Variants in CACNA2D3 observed in about 807,000 individuals in gnomAD.
The protein encoded by CACNA2D3 is voltage-dependent calcium channel subunit alpha-2/delta-3.
Under a neutral mutation model 160.6 loss-of-function variants are expected in CACNA2D3, and 60 were observed. That is an observed-to-expected ratio of 0.37 (90% confidence interval 0.30 to 0.46). CACNA2D3 has a LOEUF of 0.46. CACNA2D3 is among the 20% of genes least tolerant of loss of function. CACNA2D3 has a pLI of 1.00. For missense variants in CACNA2D3, 1,205 were observed against 1,365.0 expected (o/e 0.88, Z 1.85); for synonymous variants, 558 against 492.9 (o/e 1.13, Z -1.75).
At chr3:54,676,210 T>G (rs1376519079) in intron 11 of CACNA2D3, among the ~76,000 whole-genome samples, 1 of 152,164 alleles carries the variant, frequency 6.6e-6, no homozygotes, top group Non-Finnish European at 1.5e-5. Flanking sequence ...CTTAGCCCCT[T>G]TCCTCCCCTT....
chr3:54,629,595 T>C lies in CACNA2D3; in HGVS notation c.1053+1719T>C, dbSNP rs147173759. 2.6e-5 allele frequency among the ~76,000 whole-genome samples: 4 copies of C among 152,300 alleles called. No individual in the cohort carries two copies. In the East Asian group the frequency reaches 7.7e-4, roughly 29 times the overall value. ...GTTGGCTACAGGATGTAAACATTTA[T>C]GTAAGAGTCCGTGTTTTGGACAGTA... On this transcript the variant is annotated intron_variant, in intron 10 of 37. Coordinates refer to ENST00000474759, the MANE Select transcript of CACNA2D3 (RefSeq NM_018398.3).
chr3:54,757,374 C>T (rs1026941699), intron 12 of CACNA2D3, among the ~76,000 whole-genome samples: 8 of 152,146 alleles, frequency 5.3e-5, no homozygotes, highest in African/African-American at 1.9e-4. Flanking sequence ...CCTGAGACTT[C>T]CTGGAAGGTC....
At chr3:54,866,254 A>G (rs1699398810) in intron 17 of CACNA2D3, among the ~76,000 whole-genome samples, 1 of 152,300 alleles carries the variant, frequency 6.6e-6, no homozygotes, top group Non-Finnish European at 1.5e-5. Context: ...GAAGGAATGA[A>G]GTGCCCTGTG....
intron 10 of CACNA2D3, among the ~76,000 whole-genome samples, chr3:54,636,250 G>T (rs1383618460): frequency 6.6e-6 from 1 of 151,954 alleles, no homozygotes; most frequent in Non-Finnish European, 1.5e-5. Flanking sequence ...TAAATCAAGC[G>T]TGATCAGGGT....
chr3:54,487,843 C>T (rs1222646868), intron 4 of CACNA2D3, among the ~76,000 whole-genome samples: 1 of 152,224 alleles, frequency 6.6e-6, no homozygotes, highest in Non-Finnish European at 1.5e-5. Flanking sequence ...TGGTGACCTT[C>T]ACATGCTCAA....
chr3:54,211,829 T>A (rs186805218), intron 2 of CACNA2D3, among the ~76,000 whole-genome samples: 3 of 152,208 alleles, frequency 2.0e-5, no homozygotes, highest in South Asian at 4.1e-4. Flanking sequence ...AAATATATTA[T>A]AAAATGTAAC....
rs370683934 is a variant in CACNA2D3, at chr3:54,513,109, TG to T, written c.544+9458del. Among the ~76,000 whole-genome samples the T allele has an allele frequency of 2.8e-3, 427 of 152,282 alleles. 3 individuals are homozygous for T. Among genetic ancestry groups the T allele is most frequent in the African/African-American group, 9.8e-3 (408 of 41,552 alleles). On this transcript the variant is annotated intron_variant, in intron 5 of 37. Coordinates refer to ENST00000474759, the MANE Select transcript of CACNA2D3 (RefSeq NM_018398.3). The stretch of plus-strand genomic sequence containing the variant: ...ACACATGGGAATTCAAGATGAGATT[TG>T]GGCGGGGACACAGCCAAACCATATC...
chr3:54,349,859 CATT>C (rs1411241835), intron 3 of CACNA2D3, among the ~76,000 whole-genome samples: 1 of 152,222 alleles, frequency 6.6e-6, no homozygotes, highest in East Asian at 1.9e-4. Context: ...TTCTTGTTCT[CATT>C]GTTCAGAGCA....
At chr3:54,418,905 C>A (rs1235174107) in intron 4 of CACNA2D3, among the ~76,000 whole-genome samples, 2 of 152,146 alleles carry the variant, frequency 1.3e-5, no homozygotes, top group African/African-American at 4.8e-5. Context: ...TTTATAATTG[C>A]ATATTTAACC....
In CACNA2D3 at chr3:54,846,096, T is replaced by TA. The variant is rs369990061; in HGVS notation, c.1552-287dup. 7.5e-3 allele frequency among the ~76,000 whole-genome samples: 1,122 copies of TA among 148,810 alleles called. 10 individuals are homozygous for TA. Among genetic ancestry groups the TA allele is most frequent in the Middle Eastern group, 0.024 (7 of 292 alleles). ...ACAGAAACATTAGCCACTTTCTTGTTAAAAAAAAAAGGTAATTGTTTTGTT... is the reference window on the plus strand; with the variant it reads ...ACAGAAACATTAGCCACTTTCTTGTTAAAAAAAAAAAGGTAATTGTTTTGTT... On this transcript the variant is annotated intron_variant, in intron 16 of 37. Transcript: ENST00000474759.
chr3:54,384,512 C>T (rs1031467791), intron 3 of CACNA2D3, among the ~76,000 whole-genome samples: 4 of 152,186 alleles, frequency 2.6e-5, no homozygotes, highest in Non-Finnish European at 5.9e-5. Context: ...GATTGTACCA[C>T]ATGATCCCAG....
At chr3:54,269,862 G>T (rs6773234) in intron 2 of CACNA2D3, among the ~76,000 whole-genome samples, 42,205 of 152,158 alleles carry the variant, frequency 0.28, 6,373 homozygotes, top group East Asian at 0.43. Context: ...TAAAAATACA[G>T]AAAATACTTA....
chr3:55,028,208 A>G (rs1452614084), intron 35 of CACNA2D3, among the ~76,000 whole-genome samples: 3 of 152,222 alleles, frequency 2.0e-5, no homozygotes, highest in Admixed American at 6.5e-5. Flanking sequence ...GGCAACTCCA[A>G]AAGTGGACAT....
At chr3:54,608,699 A>G (rs914813594) in intron 9 of CACNA2D3, among the ~76,000 whole-genome samples, 6 of 152,252 alleles carry the variant, frequency 3.9e-5, no homozygotes, top group Non-Finnish European at 8.8e-5. Flanking sequence ...GCTGCTTGCT[A>G]TGATGAACAT....
chr3:54,896,644 TA>T, intron 25 of CACNA2D3, 104 bp from the exon 26 acceptor site: 2 of 1,422,476 alleles, frequency 1.4e-6, no homozygotes, highest in Non-Finnish European at 2.0e-6. Flanking sequence ...GTTGGGGTTC[TA>T]AAAGTGAACA....
intron 14 of CACNA2D3, 134 bp downstream of exon 14, chr3:54,817,004 G>T (rs1444085058): frequency 2.8e-6 from 3 of 1,062,208 alleles, no homozygotes; most frequent in African/African-American, 3.2e-5. Context: ...ACCTGAAGTT[G>T]GGCAGGAACA....
At chr3:54,633,761 C>T (rs191147915) in intron 10 of CACNA2D3, 8 of 152,242 alleles carry the variant, frequency 5.3e-5, no homozygotes, top group South Asian at 4.2e-4. Context: ...TAAGTAAATT[C>T]GTATTAATAC....
intron 27 of CACNA2D3, among the ~76,000 whole-genome samples, chr3:54,919,898 A>G (rs1700785924): frequency 1.3e-5 from 2 of 152,140 alleles, no homozygotes; most frequent in Admixed American, 1.3e-4. Context: ...AGTTTTTTCC[A>G]CTACACTCGC....
intron 2 of CACNA2D3, among the ~76,000 whole-genome samples, chr3:54,281,835 G>C (rs539907118): frequency 6.6e-6 from 1 of 152,314 alleles, no homozygotes; most frequent in South Asian, 2.1e-4. Flanking sequence ...CCGTGGGTTT[G>C]ATGTGACCAG....
Sources: allele counts gnomAD v4.1 joint callset (sites outside exome capture counted in the v4.1 genomes callset), GRCh38; gene constraint gnomAD v4.1.1; transcripts MANE v1.5; gene names NCBI Gene and HGNC (gene_info 2026-07-23, HGNC 2026-07-21).